MGAT4C: variants seen among roughly 807,000 people sequenced by gnomAD.
MGAT4C encodes the protein MGAT4 family member C.
In MGAT4C, 19 loss-of-function variants were observed where a neutral mutation model predicts 40.1. The ratio of observed to expected loss-of-function variants is 0.47; its 90% CI spans 0.33 to 0.70. MGAT4C has a LOEUF of 0.70. Ranked by LOEUF, MGAT4C falls within the 30% of genes least tolerant of loss-of-function variation. The pLI is 0.02. For missense variants in MGAT4C, 491 were observed against 563.2 expected, an observed-to-expected ratio of 0.87 and a Z score of 1.30; for synonymous variants, 181 against 187.1, an observed-to-expected ratio of 0.97 and a Z score of 0.27.
At chr12:86,523,234 T>C (rs1958826058) in intron 2 of MGAT4C, among the ~76,000 whole-genome samples, 1 of 152,158 alleles carries the variant, frequency 6.6e-6, no homozygotes, top group South Asian at 2.1e-4. Flanking sequence ...TTCGGTGCTA[T>C]AAATTTCCCT....
chr12:86,011,643 T>C (rs1888471256), intron 2 of MGAT4C, among the ~76,000 whole-genome samples: 3 of 152,126 alleles, frequency 2.0e-5, no homozygotes, highest in African/African-American at 7.2e-5. Flanking sequence ...ATAGGGCCAA[T>C]AGGTAGCCAT....
chr12:86,246,330 C>T (rs1265866041), intron 1 of MGAT4C, among the ~76,000 whole-genome samples: 1 of 151,890 alleles, frequency 6.6e-6, no homozygotes, highest in Non-Finnish European at 1.5e-5. Context: ...GGACTACAGG[C>T]GCCCGTCAAC....
intron 3 of MGAT4C, among the ~76,000 whole-genome samples, chr12:86,400,762 C>T (rs1476314266): frequency 6.6e-6 from 1 of 152,072 alleles, no homozygotes; most frequent in African/African-American, 2.4e-5. Context: ...AGTGATGGAG[C>T]CTTTTATGGT....
chr12:86,514,067 A>AACAC (rs71078908), intron 2 of MGAT4C, among the ~76,000 whole-genome samples: 6,666 of 133,938 alleles, frequency 0.05, 224 homozygotes, highest in East Asian at 0.13. Flanking sequence ...GCCATGCACC[A>AACAC]ACACACACAC....
At chr12:86,158,292 T>G (rs1241670931) in intron 1 of MGAT4C, among the ~76,000 whole-genome samples, 1 of 152,126 alleles carries the variant, frequency 6.6e-6, no homozygotes, top group Non-Finnish European at 1.5e-5. Context: ...TCTAAAAATA[T>G]AACATTACAG....
At chr12:86,056,537 T>C (rs1203414475) in intron 1 of MGAT4C, among the ~76,000 whole-genome samples, 1 of 152,192 alleles carries the variant, frequency 6.6e-6, no homozygotes, top group African/African-American at 2.4e-5. Flanking sequence ...TCCAGCTGTA[T>C]CTATGTCCCT....
intron 2 of MGAT4C, among the ~76,000 whole-genome samples, chr12:86,575,613 G>A (rs992049689): frequency 6.6e-6 from 1 of 151,782 alleles, no homozygotes; most frequent in African/African-American, 2.4e-5. Context: ...ATCTGTTGAT[G>A]GACACTTAGG....
intron 1 of MGAT4C, among the ~76,000 whole-genome samples, chr12:86,051,779 G>A (rs1053693327): frequency 6.6e-6 from 1 of 151,052 alleles, no homozygotes; most frequent in Non-Finnish European, 1.5e-5. Context: ...ATTAGTATTA[G>A]ATAGAATTAT....
intron 2 of MGAT4C, among the ~76,000 whole-genome samples, chr12:86,650,309 C>T (rs905401864): frequency 1.3e-5 from 2 of 151,864 alleles, no homozygotes; most frequent in African/African-American, 4.8e-5. Flanking sequence ...TGCCTTCAAA[C>T]ATAGTTGTGC....
intron 2 of MGAT4C, among the ~76,000 whole-genome samples, chr12:86,481,174 G>A (rs1467304782): frequency 6.6e-6 from 1 of 151,808 alleles, no homozygotes; most frequent in East Asian, 1.9e-4. Flanking sequence ...GTTTTGTATA[G>A]GAAACATGTA....
chr12:86,781,052 T>A (rs1230659307), intron 1 of MGAT4C, among the ~76,000 whole-genome samples: 1 of 152,052 alleles, frequency 6.6e-6, no homozygotes, highest in East Asian at 1.9e-4. Context: ...ATGTCACATT[T>A]CCTTTTTCTT....
At chr12:86,667,272 G>A (rs1261570684) in intron 2 of MGAT4C, among the ~76,000 whole-genome samples, 1 of 152,142 alleles carries the variant, frequency 6.6e-6, no homozygotes, top group Non-Finnish European at 1.5e-5. Flanking sequence ...AGGAGAAGAG[G>A]ATTTGGAACA....
intron 3 of MGAT4C, among the ~76,000 whole-genome samples, chr12:86,382,413 G>A (rs369985408): frequency 6.6e-6 from 1 of 152,302 alleles, no homozygotes; most frequent in East Asian, 1.9e-4. Flanking sequence ...GCTGTTAAAT[G>A]CATTCAGTTT....
intron 4 of MGAT4C, among the ~76,000 whole-genome samples, chr12:86,314,644 A>C (rs1484704296): frequency 1.3e-5 from 2 of 152,260 alleles, no homozygotes; most frequent in Non-Finnish European, 2.9e-5. Context: ...TTCTGCCAAT[A>C]ATCAGTAGCA....
At chr12:86,527,497 A>C (rs985609751) in intron 2 of MGAT4C, among the ~76,000 whole-genome samples, 3 of 152,104 alleles carry the variant, frequency 2.0e-5, no homozygotes, top group Admixed American at 1.3e-4. Context: ...GGTTTCATAT[A>C]AACTTTAGAA....
intron 2 of MGAT4C, among the ~76,000 whole-genome samples, chr12:86,675,962 G>C (rs1050986234): frequency 1.7e-5 from 1 of 58,080 alleles, no homozygotes; most frequent in African/African-American, 5.3e-5. Flanking sequence ...TAATCACAAA[G>C]ATAAAAAAGC....
chr12:86,413,721 T>A (rs75435394), intron 3 of MGAT4C, among the ~76,000 whole-genome samples: 1,701 of 152,216 alleles, frequency 0.011, 19 homozygotes, highest in East Asian at 0.045. Context: ...CACTAGGGGG[T>A]CTGCCTAAAT....
intron 2 of MGAT4C, among the ~76,000 whole-genome samples, chr12:86,680,446 TTA>T (rs2136578627): frequency 1.3e-5 from 2 of 152,140 alleles, no homozygotes; most frequent in African/African-American, 4.8e-5. Flanking sequence ...TATTGAATTG[TTA>T]GAGTCTGGGG....
chr12:86,458,562 C>A (rs1462017347), intron 2 of MGAT4C, among the ~76,000 whole-genome samples: 1 of 152,134 alleles, frequency 6.6e-6, no homozygotes, highest in East Asian at 1.9e-4. Context: ...TGTGTGCTAG[C>A]CACTATATTA....
Sources: gnomAD v4.1 joint callset for allele counts (sites outside exome capture counted in the v4.1 genomes callset) on GRCh38, gnomAD v4.1.1 for gene constraint, MANE v1.5 for transcripts, NCBI Gene and HGNC (gene_info 2026-07-23, HGNC 2026-07-21) for gene names.